Variants in STK10 observed in about 807,000 individuals in gnomAD.
The protein encoded by STK10 is serine/threonine kinase 10, also known as serine/threonine-protein kinase 10.
Under a neutral mutation model 113.8 loss-of-function variants are expected in STK10, and 78 were observed. That is an observed-to-expected ratio of 0.69 (90% CI 0.57 to 0.83). The LOEUF is 0.83. STK10 is among the 40% of genes least tolerant of loss of function. The pLI is 0.00. For missense variants in STK10, 1,109 were observed against 1,280.1 expected (o/e 0.87, Z 2.04); for synonymous variants, 465 against 494.7 (o/e 0.94, Z 0.80).
At chr5:172,177,015 A>C (rs146204466) in intron 1 of STK10, among the ~76,000 whole-genome samples, 124 of 152,266 alleles carry the variant, frequency 8.1e-4, no homozygotes, top group African/African-American at 3.0e-3. Context: ...CTCTACTAAA[A>C]ATACAAAAAT....
chr5:172,113,038 G>A (rs1209249611), intron 4 of STK10, among the ~76,000 whole-genome samples: 1 of 152,204 alleles, frequency 6.6e-6, no homozygotes, highest in African/African-American at 2.4e-5. Context: ...ATGAGCCAAC[G>A]CGCCCGACCC....
rs553903594 is a variant in STK10 at position 172,101,950 on chromosome 5, C to T, written c.870+3706G>A. Among the ~76,000 whole-genome samples, 18 of 113,536 alleles carry T rather than the reference C, an allele frequency of 1.6e-4. No individual in the cohort carries two copies. The East Asian group carries it at 4.4e-3, about 28-fold the overall frequency. 74.5% of individuals were successfully genotyped at this position (113,536 alleles called of 152,430 possible). A position where few individuals can be genotyped will look rare whatever the true frequency, so the allele number is the denominator to read the frequency against. The stretch of plus-strand genomic sequence containing the variant: ...GGCTGGAGTGTGGGAGCGAGAGGGG[C>T]GATGGGGGTCAGCAGGGTGGGGGGG... On this transcript the variant is annotated intron_variant, in intron 7 of 18. Coordinates refer to ENST00000176763, the MANE Select transcript of STK10 (RefSeq NM_005990.4).
intron 14 of STK10, 57 bp from the exon 15 acceptor site, chr5:172,057,530 C>A (rs1156269056): frequency 2.6e-6 from 4 of 1,520,466 alleles, no homozygotes; most frequent in Non-Finnish European, 2.7e-6. Context: ...ACTCGACAGG[C>A]CCCCTGCCCC....
intron 12 of STK10, among the ~76,000 whole-genome samples, chr5:172,074,555 TAA>T (rs1164544897): frequency 6.6e-6 from 1 of 152,180 alleles, no homozygotes; most frequent in Non-Finnish European, 1.5e-5. Flanking sequence ...ATATCTTATA[TAA>T]CAATGAACTC....
chr5:172,174,629 C>T (rs1482198929), intron 1 of STK10, among the ~76,000 whole-genome samples: 1 of 152,190 alleles, frequency 6.6e-6, no homozygotes, highest in Non-Finnish European at 1.5e-5. Context: ...CAGTTTGTAA[C>T]AACAGCCCTG....
intron 1 of STK10, among the ~76,000 whole-genome samples, chr5:172,173,721 AG>A (rs1770703396): frequency 6.6e-6 from 1 of 152,204 alleles, no homozygotes; most frequent in East Asian, 1.9e-4. Flanking sequence ...GTAACAGGCA[AG>A]GGAGGAGTTC....
intron 16 of STK10, among the ~76,000 whole-genome samples, chr5:172,055,302 C>A (rs986065205): frequency 3.9e-5 from 6 of 152,090 alleles, no homozygotes; most frequent in African/African-American, 1.4e-4. Flanking sequence ...CGGGCTCAAG[C>A]GATCCTCCCA....
At chr5:172,128,221 CAAAAAAAAAAAAA>C (rs35298910) in intron 2 of STK10, among the ~76,000 whole-genome samples, 71 of 77,258 alleles carry the variant, frequency 9.2e-4, no homozygotes, top group Non-Finnish European at 1.5e-3. Flanking sequence ...GACTCCGTCT[CAAAAAAAAAAAAA>C]AAAAAAAAAA....
intron 5 of STK10, among the ~76,000 whole-genome samples, chr5:172,107,259 C>T (rs1367901157): frequency 6.6e-6 from 1 of 152,098 alleles, no homozygotes; most frequent in African/African-American, 2.4e-5. Context: ...GCAAGTAATG[C>T]ACATGAAAAA....
rs10475569 is a variant in STK10, at chr5:172,151,697, G to T, written c.321+4927C>A. Among the ~76,000 whole-genome samples the T allele has an allele frequency of 6.6e-5, 10 of 152,270 alleles. No homozygotes were observed. The East Asian group carries it at 1.9e-3, about 29-fold the overall frequency. On this transcript the variant is annotated intron_variant, in intron 2 of 18. Coordinates refer to ENST00000176763, the MANE Select transcript of STK10 (RefSeq NM_005990.4). Reference sequence around the variant, plus strand: ...CACTGCTGGAGTTATGTGTTCATGCGCTGTTAGTTGTCTCCCACATGTAGA... The same window carrying T: ...CACTGCTGGAGTTATGTGTTCATGCTCTGTTAGTTGTCTCCCACATGTAGA...
At chr5:172,112,960 C>T (rs759873715) in intron 4 of STK10, among the ~76,000 whole-genome samples, 2 of 151,784 alleles carry the variant, frequency 1.3e-5, no homozygotes, top group Non-Finnish European at 2.9e-5. Flanking sequence ...GTTGGTCAGG[C>T]TGGTCTCAAA....
intron 12 of STK10, among the ~76,000 whole-genome samples, chr5:172,068,365 A>T (rs1768113398): frequency 6.6e-6 from 1 of 151,806 alleles, no homozygotes; most frequent in Non-Finnish European, 1.5e-5. Flanking sequence ...TGAGATAGGT[A>T]TGTCTAGTGA....
intron 1 of STK10, among the ~76,000 whole-genome samples, chr5:172,165,383 G>A (rs951931417): frequency 6.6e-6 from 1 of 152,228 alleles, no homozygotes. Context: ...TGACACAGGT[G>A]TGCCTCAAGA....
rs530431518 is a variant in STK10, at chr5:172,138,976, T to C, written c.322-11555A>G. ...TTGCAGTGAGCCAAGATCACACCAC[T>C]GCACTCCAGTCTGGGCGACAGAGCG... On this transcript the variant is annotated intron_variant, in intron 2 of 18. Transcript: ENST00000176763. Among the ~76,000 whole-genome samples, 62 of 152,248 alleles carry C rather than the reference T, an allele frequency of 4.1e-4. 1 individual carries two copies. In the South Asian group the frequency reaches 0.013, roughly 32 times the overall value.
chr5:172,175,785 C>G (rs745386126), intron 1 of STK10, among the ~76,000 whole-genome samples: 1 of 152,154 alleles, frequency 6.6e-6, no homozygotes, highest in African/African-American at 2.4e-5. Context: ...AAAAGAGACA[C>G]GCTCCTGGCC....
At position 172,117,479 on chromosome 5, in the gene STK10, AC is replaced by A. The variant is rs1281969971; in HGVS notation, c.520+1del. On this transcript the variant is annotated splice_donor_variant, in intron 4 of 18. Transcript: ENST00000176763. LOFTEE classifies it high-confidence loss of function. ...CCACCTTTCCCACCCTGAGCCCCTT[AC>A]CCAGCCTGATGTCTCCCTCGAGGGT... The A allele has an allele frequency of 1.2e-6, 2 of 1,608,962 alleles. No homozygotes were observed. The highest frequency in any genetic ancestry group is 2.7e-5 in the African/African-American group (2 of 74,084).
At chr5:172,099,047 C>CCACCATCATTACCAT (rs967227421) in intron 7 of STK10, among the ~76,000 whole-genome samples, 1 of 151,682 alleles carries the variant, frequency 6.6e-6, no homozygotes, top group Non-Finnish European at 1.5e-5. Context: ...ACCACCATCA[C>CCACCATCATTACCAT]CACCATCATT....
intron 2 of STK10, among the ~76,000 whole-genome samples, chr5:172,148,342 A>G (rs1488408748): frequency 6.6e-6 from 1 of 152,022 alleles, no homozygotes; most frequent in Non-Finnish European, 1.5e-5. Flanking sequence ...AGGTGCCCGG[A>G]GAGTACTAAT....
At chr5:172,135,641 T>C (rs1200157072) in intron 2 of STK10, among the ~76,000 whole-genome samples, 1 of 152,208 alleles carries the variant, frequency 6.6e-6, no homozygotes, top group Non-Finnish European at 1.5e-5. Context: ...TTCCTCAATA[T>C]GTTAAACGTA....
Sources: gnomAD v4.1 joint callset for allele counts (sites outside exome capture counted in the v4.1 genomes callset) on GRCh38, gnomAD v4.1.1 for gene constraint, MANE v1.5 for transcripts, NCBI Gene and HGNC (gene_info 2026-07-23, HGNC 2026-07-21) for gene names.